PRKG2: variants seen among roughly 807,000 people sequenced by gnomAD.
The protein encoded by PRKG2 is cGMP-dependent protein kinase 2.
A neutral mutation model predicts 97.2 loss-of-function variants in PRKG2; 33 were observed. The observed-to-expected ratio is 0.34, with a 90% CI of 0.26 to 0.45. The LOEUF (loss-of-function observed/expected upper bound fraction) is 0.45, where lower values mean the gene tolerates loss of function less well. Ranked by LOEUF, PRKG2 falls within the 20% of genes least tolerant of loss-of-function variation. The probability of loss-of-function intolerance (pLI) is 1.00; values close to 1 mark genes in which losing one functional copy is unlikely to be tolerated. For synonymous variants in PRKG2, 330 were observed against 321.8 expected, an observed-to-expected ratio of 1.03 and a Z score of -0.27; for missense variants, 638 against 900.0, an observed-to-expected ratio of 0.71 and a Z score of 3.73.
chr4:81,122,174 A>C (rs1489871373), intron 14 of PRKG2, among the ~76,000 whole-genome samples: 1 of 152,230 alleles, frequency 6.6e-6, no homozygotes, highest in Non-Finnish European at 1.5e-5. Context: ...TAAATGCTGC[A>C]TAGGTTGAGA....
chr4:81,135,221 T>A lies in PRKG2; in HGVS notation c.1710A>T (p.Leu570=), dbSNP rs1351038531. The part of the protein sequence containing the change: ...VTEAFDYLHR[L]GIIYRDLKPE... ...GTTTCAAGTCTCTGTAGATAATACC[T>A]AGTCGATGCAGGTAATCAAATGCTT... is the stretch of plus-strand genomic sequence containing the variant. Residue 570 remains leucine, a synonymous_variant, in exon 14 of 19, where the codon CTA becomes CTT. Coordinates refer to ENST00000264399, the MANE Select transcript of PRKG2 (RefSeq NM_006259.3). 6.2e-7 allele frequency: 1 copy of A among 1,612,822 alleles called. No individual in the cohort carries two copies. The highest frequency in any genetic ancestry group is 8.5e-7 in the Non-Finnish European group (1 of 1,179,144).
intron 2 of PRKG2, among the ~76,000 whole-genome samples, chr4:81,204,381 G>C (rs890280067): frequency 2.0e-5 from 3 of 152,128 alleles, no homozygotes; most frequent in African/African-American, 7.2e-5. Flanking sequence ...AGCTCCTCAT[G>C]AGAGATATAT....
intron 1 of PRKG2, 67 bp from the exon 2 acceptor site, chr4:81,205,127 C>G: frequency 1.0e-6 from 1 of 960,774 alleles, no homozygotes; most frequent in African/African-American, 1.7e-5. Flanking sequence ...CACCATTCCT[C>G]TCATTCCTAT....
At chr4:81,188,377 G>C (rs1752092386) in intron 2 of PRKG2, among the ~76,000 whole-genome samples, 2 of 147,694 alleles carry the variant, frequency 1.4e-5, no homozygotes, top group South Asian at 4.3e-4. Context: ...GAAACAACAG[G>C]TGCTGGAGAG....
chr4:81,087,468 T>C lies in PRKG2; in HGVS notation c.*2240A>G, dbSNP rs982988482. ...CAATTCTGCATACAGATACCAATGA[T>C]ACATAAGATTCAGGACTAAATGGTT... On this transcript the variant is annotated 3_prime_UTR_variant, in exon 19 of 19. Transcript: ENST00000264399. The C allele has an allele frequency of 6.6e-6, 1 of 152,054 alleles. No individual in the cohort carries two copies. The highest frequency in any genetic ancestry group is 2.4e-5 in the African/African-American group (1 of 41,440). The allele number at this position is 152,054 out of a possible 1,614,324, so 9.4% of individuals were successfully genotyped here. A position where few individuals can be genotyped will look rare whatever the true frequency, so the allele number is the denominator to read the frequency against.
intron 14 of PRKG2, among the ~76,000 whole-genome samples, chr4:81,117,962 T>C: frequency 6.6e-6 from 1 of 152,196 alleles, no homozygotes; most frequent in Non-Finnish European, 1.5e-5. Context: ...GTATTTTCAC[T>C]GCCCTAAAAA....
chr4:81,125,001 A>G (rs1378503466), intron 14 of PRKG2, among the ~76,000 whole-genome samples: 1 of 150,402 alleles, frequency 6.6e-6, no homozygotes, highest in Non-Finnish European at 1.5e-5. Flanking sequence ...TTTGTCTACG[A>G]CTCCACTCTA....
chr4:81,208,681 C>T (rs746624777), intron 1 of PRKG2, among the ~76,000 whole-genome samples: 29 of 152,136 alleles, frequency 1.9e-4, no homozygotes, highest in Non-Finnish European at 3.7e-4. Context: ...CTGCCTCAGC[C>T]TCTCAAATGA....
chr4:81,100,980 G>C (rs1742690818), intron 17 of PRKG2, among the ~76,000 whole-genome samples: 1 of 151,998 alleles, frequency 6.6e-6, no homozygotes, highest in African/African-American at 2.4e-5. Context: ...CATCATCACT[G>C]GCCATCAGAG....
At chr4:81,203,449 A>G (rs894029287) in intron 2 of PRKG2, among the ~76,000 whole-genome samples, 4 of 152,150 alleles carry the variant, frequency 2.6e-5, no homozygotes, top group African/African-American at 4.8e-5. Flanking sequence ...AAAATTGATC[A>G]TTTGTTTGTC....
At chr4:81,138,408 T>G (rs1266876402) in intron 12 of PRKG2, among the ~76,000 whole-genome samples, 4 of 152,108 alleles carry the variant, frequency 2.6e-5, no homozygotes, top group African/African-American at 9.7e-5. Context: ...GTAAAGTGGT[T>G]CAAAGGGTGG....
At chr4:81,107,237 G>A (rs1329876200) in intron 15 of PRKG2, among the ~76,000 whole-genome samples, 1 of 152,082 alleles carries the variant, frequency 6.6e-6, no homozygotes, top group Non-Finnish European at 1.5e-5. Context: ...TAAGCAGGAA[G>A]GTAGATTTAT....
At chr4:81,130,994 G>C (rs201659526) in intron 14 of PRKG2, among the ~76,000 whole-genome samples, 4 of 152,146 alleles carry the variant, frequency 2.6e-5, no homozygotes, top group South Asian at 2.1e-4. Flanking sequence ...GGAATGAATG[G>C]TTCTGTCTCA....
chr4:81,112,858 A>C (rs1219331756), intron 14 of PRKG2, among the ~76,000 whole-genome samples: 1 of 152,196 alleles, frequency 6.6e-6, no homozygotes, highest in African/African-American at 2.4e-5. Flanking sequence ...ATACTACCAG[A>C]AAGTCTCAGT....
intron 18 of PRKG2, among the ~76,000 whole-genome samples, chr4:81,091,081 T>C (rs965278337): frequency 2.6e-5 from 4 of 152,092 alleles, no homozygotes; most frequent in South Asian, 2.1e-4. Flanking sequence ...TCAAGAAAGA[T>C]TGTCAAGCAT....
chr4:81,198,714 A>C (rs942899788), intron 2 of PRKG2, among the ~76,000 whole-genome samples: 1 of 152,208 alleles, frequency 6.6e-6, no homozygotes, highest in Non-Finnish European at 1.5e-5. Flanking sequence ...ACCTTCAGTA[A>C]AACAAAAAAC....
At chr4:81,207,734 G>A (rs1305310448) in intron 1 of PRKG2, among the ~76,000 whole-genome samples, 1 of 152,176 alleles carries the variant, frequency 6.6e-6, no homozygotes, top group Non-Finnish European at 1.5e-5. Flanking sequence ...GGGGTAAAAT[G>A]AGAGTAACTA....
At chr4:81,118,787 GGTTT>G (rs956206051) in intron 14 of PRKG2, among the ~76,000 whole-genome samples, 155 of 151,954 alleles carry the variant, frequency 1.0e-3, no homozygotes, top group East Asian at 3.9e-3. Flanking sequence ...GTTTTCGTTT[GGTTT>G]GTTTGTTTGT....
intron 6 of PRKG2, chr4:81,154,372 C>A (rs1341993740): frequency 1.3e-5 from 2 of 152,122 alleles, no homozygotes; most frequent in African/African-American, 4.8e-5. Flanking sequence ...ATGTCCCTGT[C>A]TGACAGCTTT....
Sources: allele counts gnomAD v4.1 joint callset (sites outside exome capture counted in the v4.1 genomes callset), GRCh38; gene constraint gnomAD v4.1.1; transcripts MANE v1.5; gene names NCBI Gene and HGNC (gene_info 2026-07-23, HGNC 2026-07-21).